The following COL13A1 variants were observed in gnomAD, a reference collection of about 807,000 sequenced individuals.
COL13A1 encodes the protein collagen type XIII alpha 1 chain.
Under a neutral mutation model 130.9 loss-of-function variants are expected in COL13A1, and 89 were observed. The observed-to-expected ratio is 0.68, with a 90% CI of 0.57 to 0.81. COL13A1 has a LOEUF of 0.81. Among genes scored for constraint, COL13A1 ranks in the 30% least tolerant of loss-of-function variants. The probability of loss-of-function intolerance (pLI) is 0.00; values close to 1 mark genes in which losing one functional copy is unlikely to be tolerated. For synonymous variants in COL13A1, 402 were observed against 341.6 expected, an observed-to-expected ratio of 1.18 and a Z score of -1.95; for missense variants, 879 against 934.6, an observed-to-expected ratio of 0.94 and a Z score of 0.78.
At chr10:69,849,156 T>TGA (rs1853992849) in intron 2 of COL13A1, among the ~76,000 whole-genome samples, 1 of 152,240 alleles carries the variant, frequency 6.6e-6, no homozygotes, top group East Asian at 1.9e-4. Context: ...ATCACAGTGC[T>TGA]TACAGAGAAC....
In COL13A1 at chr10:69,811,838, C is replaced by T. The variant is rs562652134; in HGVS notation, c.294+9121C>T. ...TGTCTTGAAAGCACCTCAAACTCTA[C>T]GTGTCTAAACTGAGCAGGAAATCCA... On this transcript the variant is annotated intron_variant, in intron 1 of 40. Transcript: ENST00000645393. Among the ~76,000 whole-genome samples the T allele has an allele frequency of 1.1e-4, 16 of 152,276 alleles. No individual in the cohort carries two copies. In the South Asian group the frequency reaches 2.5e-3, roughly 24 times the overall value.
chr10:69,818,042 C>G (rs1845053695), intron 1 of COL13A1, among the ~76,000 whole-genome samples: 1 of 152,202 alleles, frequency 6.6e-6, no homozygotes, highest in South Asian at 2.1e-4. Flanking sequence ...CCAATCAAGG[C>G]TCCCGATTTC....
Position 69,802,411 on chromosome 10 carries a change from A to G in COL13A1, c.-13A>G. 1 of 1,481,578 alleles carries G rather than the reference A, an allele frequency of 6.7e-7. No individual in the cohort carries two copies. Among genetic ancestry groups the G allele is most frequent in the Non-Finnish European group, 8.9e-7 (1 of 1,123,422 alleles). 91.8% of individuals were successfully genotyped at this position (1,481,578 alleles called of 1,614,324 possible). A position where few individuals can be genotyped will look rare whatever the true frequency, so the allele number is the denominator to read the frequency against. ...TCTATTTATTTATTTATTGGTTCTC[A>G]AGACGCGAGAGGATGGTAGCGGAGC... On this transcript the variant is annotated 5_prime_UTR_variant, in exon 1 of 41. Transcript: ENST00000645393.
At chr10:69,900,173 A>T (rs752614824) in intron 14 of COL13A1, among the ~76,000 whole-genome samples, 1 of 151,992 alleles carries the variant, frequency 6.6e-6, no homozygotes, top group Non-Finnish European at 1.5e-5. Context: ...GCCGGACCCC[A>T]TTCCAGGAGA....
chr10:69,876,805 G>A (rs1261636840), intron 5 of COL13A1, among the ~76,000 whole-genome samples: 2 of 152,330 alleles, frequency 1.3e-5, no homozygotes, highest in African/African-American at 4.8e-5. Context: ...TGGGTTTTGT[G>A]CCCAAGCCAA....
At chr10:69,888,854 A>T (rs2060869790) in intron 9 of COL13A1, among the ~76,000 whole-genome samples, 1 of 152,078 alleles carries the variant, frequency 6.6e-6, no homozygotes, top group Non-Finnish European at 1.5e-5. Context: ...CCCTGACACA[A>T]ATGTTCATGG....
At chr10:69,891,878 A>G (rs935460355) in intron 10 of COL13A1, among the ~76,000 whole-genome samples, 12 of 152,154 alleles carry the variant, frequency 7.9e-5, no homozygotes, top group African/African-American at 2.9e-4. Flanking sequence ...TGAGGCCACA[A>G]AGCTCCTAAA....
Position 69,885,186 on chromosome 10 carries a change from A to ACTTCTCC in COL13A1, c.514-2270_514-2269insCTTCTCC, listed in dbSNP as rs1385796786. Among the ~76,000 whole-genome samples the ACTTCTCC allele has an allele frequency of 1.8e-3, 279 of 152,356 alleles. 2 individuals carry two copies. The highest frequency in any genetic ancestry group is 6.6e-3 in the African/African-American group (273 of 41,592). On this transcript the variant is annotated intron_variant, in intron 7 of 40. Transcript: ENST00000645393. Reference sequence around the variant, plus strand: ...TGACACAAAACCCAAAAGCCATAGGAGAAGATTAAGTTTGTCTGTAGAAAT... The same window carrying ACTTCTCC: ...TGACACAAAACCCAAAAGCCATAGGACTTCTCCGAAGATTAAGTTTGTCTGTAGAAAT...
chr10:69,910,074 C>T (rs2063199296), intron 17 of COL13A1, among the ~76,000 whole-genome samples: 1 of 152,184 alleles, frequency 6.6e-6, no homozygotes, highest in Non-Finnish European at 1.5e-5. Flanking sequence ...CACAGACCAA[C>T]CCTCCCAACC....
At chr10:69,871,306 T>C (rs149245477) in intron 3 of COL13A1, among the ~76,000 whole-genome samples, 1 of 152,182 alleles carries the variant, frequency 6.6e-6, no homozygotes, top group African/African-American at 2.4e-5. Context: ...CGTAAATGTG[T>C]CTTGAGGATT....
At chr10:69,831,966 G>A (rs1564790299) in intron 2 of COL13A1, among the ~76,000 whole-genome samples, 1 of 152,174 alleles carries the variant, frequency 6.6e-6, no homozygotes, top group Non-Finnish European at 1.5e-5. Flanking sequence ...ACACTTGGCG[G>A]GAAATGATTG....
At position 69,902,776 on chromosome 10, in the gene COL13A1, G is replaced by T; in HGVS notation, c.779G>T (p.Gly260Val). The T allele has an allele frequency of 6.4e-7, 1 of 1,555,128 alleles. No individual in the cohort carries two copies. ...GAACAGAGCCAGGCCAGCATCCAAG[G>T]TCCACCAGGGCCCCCAGGCCCCCCT... ...QGEQSQASIQGPPGPPGPPGP... is the reference protein window; with the variant it reads ...QGEQSQASIQVPPGPPGPPGP... Residue 260 changes from glycine (G) to valine (V), a missense_variant, in exon 15 of 41, where the codon GGT (glycine) becomes GTT (valine). By Grantham distance (109) the Gly-to-Val change is moderately radical. This residue lies in a region of COL13A1 where 715 missense variants were observed against 721.0 expected (regional missense o/e 0.99). Transcript: ENST00000645393.
At chr10:69,874,235 C>T (rs1170323949) in intron 4 of COL13A1, among the ~76,000 whole-genome samples, 3 of 152,198 alleles carry the variant, frequency 2.0e-5, no homozygotes, top group East Asian at 3.9e-4. Context: ...TTCCTCAAGG[C>T]ATTGTGCCTC....
intron 2 of COL13A1, among the ~76,000 whole-genome samples, chr10:69,840,890 C>T (rs1851414700): frequency 6.6e-6 from 1 of 152,014 alleles, no homozygotes; most frequent in East Asian, 1.9e-4. Context: ...TGCCCCCTGG[C>T]TCTCAGAACC....
At chr10:69,878,202 C>T in intron 6 of COL13A1, 137 bp downstream of exon 6, 1 of 637,702 alleles carries the variant, frequency 1.6e-6, no homozygotes, top group African/African-American at 1.8e-5. Flanking sequence ...CTCACTGCCT[C>T]TCACGGCCCC....
At chr10:69,904,480 C>T (rs2135186946) in intron 15 of COL13A1, among the ~76,000 whole-genome samples, 1 of 152,330 alleles carries the variant, frequency 6.6e-6, no homozygotes, top group African/African-American at 2.4e-5. Flanking sequence ...CTGTGGCCAG[C>T]TGCCATGCCC....
At chr10:69,923,772 C>A (rs770763654) in intron 23 of COL13A1, 30 bp from the exon 24 acceptor site, 1 of 1,602,142 alleles carries the variant, frequency 6.2e-7, no homozygotes, top group Admixed American at 1.7e-5. Context: ...GCCCAGCATG[C>A]CCTCATCCCA....
intron 13 of COL13A1, among the ~76,000 whole-genome samples, chr10:69,896,593 A>C (rs1013166714): frequency 2.6e-5 from 4 of 152,232 alleles, no homozygotes; most frequent in Admixed American, 2.0e-4. Flanking sequence ...GCTCAGTGCC[A>C]GCTTGACTCT....
Position 69,880,523 on chromosome 10 carries a change from G to T in COL13A1, c.483G>T (p.Gly161=). Residue 161 remains glycine, a synonymous_variant, in exon 7 of 41, where the codon GGG becomes GGT. Transcript: ENST00000645393. The part of the protein sequence containing the change: ...PGEKGSPGDA[G]LSIIGPRGPP... ...CGCAGGGGTCCCCCGGAGACGCTGGGCTGTCCATCATTGGTCCCCGCGGCC... is the reference window on the plus strand; with the variant it reads ...CGCAGGGGTCCCCCGGAGACGCTGGTCTGTCCATCATTGGTCCCCGCGGCC... 1 of 1,613,478 alleles carries T rather than the reference G, an allele frequency of 6.2e-7. No homozygotes were observed. The highest frequency in any genetic ancestry group is 1.1e-5 in the South Asian group (1 of 91,056).
Sources: gnomAD v4.1 joint callset for allele counts (sites outside exome capture counted in the v4.1 genomes callset) on GRCh38, gnomAD v4.1.1 for gene constraint, gnomAD v4.1.1 regional missense constraint, MANE v1.5 for transcripts, NCBI Gene and HGNC (gene_info 2026-07-23, HGNC 2026-07-21) for gene names.